TMED3: variants seen among roughly 807,000 people sequenced by gnomAD.
TMED3 encodes the protein transmembrane p24 trafficking protein 3, also known as transmembrane emp24 domain-containing protein 3.
Under a neutral mutation model 15.0 loss-of-function variants are expected in TMED3, and 9 were observed. The ratio of observed to expected loss-of-function variants is 0.60; its 90% CI spans 0.36 to 1.04. TMED3 has a LOEUF of 1.04. Among genes scored for constraint, TMED3 ranks in the 50% least tolerant of loss-of-function variants. The pLI is 0.01. For missense variants in TMED3, 267 were observed against 278.9 expected (o/e 0.96, Z 0.30); for synonymous variants, 117 against 121.4 (o/e 0.96, Z 0.24).
At chr15:79,335,379 T>C (rs1216228338) in intron 2 of TMED3, among the ~76,000 whole-genome samples, 1 of 152,166 alleles carries the variant, frequency 6.6e-6, no homozygotes, top group African/African-American at 2.4e-5. Flanking sequence ...GGAGAAATCA[T>C]GTGACCCCAA....
intron 2 of TMED3, among the ~76,000 whole-genome samples, chr15:79,318,235 A>C (rs4779073): frequency 0.17 from 26,338 of 152,054 alleles, 2,926 homozygotes; most frequent in East Asian, 0.58. Context: ...GCCGCTCTGC[A>C]TACCCTTCTG....
intron 2 of TMED3, among the ~76,000 whole-genome samples, chr15:79,388,801 TG>T (rs1309930899): frequency 1.3e-5 from 2 of 152,162 alleles, no homozygotes; most frequent in African/African-American, 4.8e-5. Flanking sequence ...AGGAGTAAGG[TG>T]GTATCACATT....
rs150851048 is a variant in TMED3, at chr15:79,316,952, C to T, written c.417+2947C>T. On this transcript the variant is annotated intron_variant, in intron 2 of 2. Transcript: ENST00000299705. Reference sequence around the variant, plus strand: ...GATGAGCACTAACTGAAGATCTCAGCGGATGGGGAAGTAGCATGTTTTTGT... The same window carrying T: ...GATGAGCACTAACTGAAGATCTCAGTGGATGGGGAAGTAGCATGTTTTTGT... Among the ~76,000 whole-genome samples the T allele has an allele frequency of 1.4e-4, 21 of 152,152 alleles. 1 individual carries two copies. The highest frequency in any genetic ancestry group is 3.9e-4 in the African/African-American group (16 of 41,486).
At chr15:79,360,406 C>T (rs1320803129) in intron 2 of TMED3, among the ~76,000 whole-genome samples, 1 of 152,182 alleles carries the variant, frequency 6.6e-6, no homozygotes, top group Non-Finnish European at 1.5e-5. Context: ...TCAGGGGTCA[C>T]ATAGCTACTG....
chr15:79,370,103 T>A (rs959664268), intron 2 of TMED3, among the ~76,000 whole-genome samples: 3 of 152,050 alleles, frequency 2.0e-5, no homozygotes, highest in Non-Finnish European at 4.4e-5. Context: ...TGTGCATTTT[T>A]TTTTTGAGAC....
chr15:79,332,220 G>A (rs767020473), intron 2 of TMED3, among the ~76,000 whole-genome samples: 19 of 152,220 alleles, frequency 1.2e-4, no homozygotes, highest in Non-Finnish European at 2.4e-4. Flanking sequence ...GGAACCAATG[G>A]AGGGAATGAT....
intron 2 of TMED3, among the ~76,000 whole-genome samples, chr15:79,367,193 A>C (rs1242301010): frequency 6.6e-6 from 1 of 152,202 alleles, no homozygotes; most frequent in Non-Finnish European, 1.5e-5. Context: ...AACAAAGTCC[A>C]ATATGATGCA....
intron 2 of TMED3, among the ~76,000 whole-genome samples, chr15:79,330,437 T>G (rs552478156): frequency 3.3e-5 from 5 of 152,154 alleles, no homozygotes; most frequent in African/African-American, 1.2e-4. Context: ...ATTTATAATA[T>G]CTATAAAATA....
At position 79,313,204 on chromosome 15, in the gene TMED3, A is replaced by C. The variant is rs1042932768; in HGVS notation, c.169-553A>C. 8.5e-5 allele frequency among the ~76,000 whole-genome samples: 13 copies of C among 152,112 alleles called. No individual in the cohort carries two copies. The East Asian group carries it at 2.5e-3, about 29-fold the overall frequency. ...GTGTCTTGTGTTAAGTATTGAACAA[A>C]GATAAAGAATCGGTGGCATCTAGTT... On this transcript the variant is annotated intron_variant, in intron 1 of 2. Transcript: ENST00000299705.
At chr15:79,329,030 T>G (rs1277501473) in intron 2 of TMED3, among the ~76,000 whole-genome samples, 3 of 152,206 alleles carry the variant, frequency 2.0e-5, no homozygotes, top group Non-Finnish European at 2.9e-5. Context: ...GTCCTCCCCT[T>G]TTTAATACCT....
chr15:79,343,888 A>G (rs898863137), intron 2 of TMED3, among the ~76,000 whole-genome samples: 3 of 151,960 alleles, frequency 2.0e-5, no homozygotes, highest in Non-Finnish European at 4.4e-5. Flanking sequence ...CAGATCTAGC[A>G]CTCTGTTTTG....
intron 2 of TMED3, among the ~76,000 whole-genome samples, chr15:79,396,955 A>G (rs943001340): frequency 6.6e-6 from 1 of 152,234 alleles, no homozygotes; most frequent in African/African-American, 2.4e-5. Context: ...TAGAAAATTT[A>G]AAATGACACA....
chr15:79,355,464 C>T (rs568706164), intron 2 of TMED3, among the ~76,000 whole-genome samples: 2 of 152,154 alleles, frequency 1.3e-5, no homozygotes, highest in Non-Finnish European at 2.9e-5. Flanking sequence ...AGGAGTGACT[C>T]AGCCAGAAAG....
exon 3 of TMED3, chr15:79,411,712 T>C: frequency 1.9e-6 from 1 of 526,698 alleles, no homozygotes; most frequent in Middle Eastern, 5.1e-4. Flanking sequence ...GGAGACTCCT[T>C]GACCACCACA....
At chr15:79,353,212 A>G (rs1396912309) in intron 2 of TMED3, among the ~76,000 whole-genome samples, 27 of 80,712 alleles carry the variant, frequency 3.3e-4, no homozygotes, top group Non-Finnish European at 4.9e-4. Context: ...AATATATATT[A>G]TATATATTAT....
chr15:79,355,382 C>T (rs890114030), intron 2 of TMED3, among the ~76,000 whole-genome samples: 4 of 152,076 alleles, frequency 2.6e-5, no homozygotes, highest in African/African-American at 9.7e-5. Flanking sequence ...GGATCCAGCC[C>T]GTAGGTTAGG....
downstream of TMED3, among the ~76,000 whole-genome samples, chr15:79,327,329 A>C (rs1476666728): frequency 1.3e-5 from 2 of 152,258 alleles, no homozygotes; most frequent in Non-Finnish European, 2.9e-5. Flanking sequence ...TGGACATCCC[A>C]GTCTCCAGAA....
intron 2 of TMED3, among the ~76,000 whole-genome samples, chr15:79,336,713 ACACAAAAAAC>A: frequency 4.7e-5 from 6 of 126,568 alleles, no homozygotes; most frequent in Middle Eastern, 4.8e-3. Context: ...AAACAAACAA[ACACAAAAAAC>A]AAACAAAGAA....
At chr15:79,387,439 G>A (rs866823953) in intron 2 of TMED3, among the ~76,000 whole-genome samples, 4 of 152,072 alleles carry the variant, frequency 2.6e-5, no homozygotes, top group Admixed American at 6.6e-5. Context: ...CTACAGTGAC[G>A]TGATAATTGA....
Sources: allele counts gnomAD v4.1 joint callset (sites outside exome capture counted in the v4.1 genomes callset), GRCh38; gene constraint gnomAD v4.1.1; transcripts MANE v1.5; gene names NCBI Gene and HGNC (gene_info 2026-07-23, HGNC 2026-07-21).